YEATS2: variants seen among roughly 807,000 people sequenced by gnomAD.
The protein encoded by YEATS2 is YEATS domain-containing protein 2.
A neutral mutation model predicts 163.2 loss-of-function variants in YEATS2; 77 were observed. That is an observed-to-expected ratio of 0.47 (90% CI 0.39 to 0.57). The LOEUF is 0.57. YEATS2 is among the 20% of genes least tolerant of loss of function. YEATS2 has a pLI of 0.00. For synonymous variants in YEATS2, 631 were observed against 645.1 expected (o/e 0.98, Z 0.33); for missense variants, 1,549 against 1,729.8 (o/e 0.90, Z 1.85).
intron 17 of YEATS2, among the ~76,000 whole-genome samples, chr3:183,774,888 A>G (rs978560736): frequency 2.6e-5 from 4 of 152,318 alleles, no homozygotes; most frequent in Admixed American, 2.0e-4. Flanking sequence ...AGAAAAGGAC[A>G]ATGTAAATAT....
intron 6 of YEATS2, 133 bp from the exon 7 acceptor site, chr3:183,728,557 C>A: frequency 2.6e-6 from 2 of 764,014 alleles, no homozygotes; most frequent in South Asian, 2.7e-5. Flanking sequence ...ACTCATTTTG[C>A]TTGTTTAGGT....
At chr3:183,725,041 C>CTTTTTTTTTTTTTTTTTTTTT (rs62826962) in intron 6 of YEATS2, among the ~76,000 whole-genome samples, 11 of 87,508 alleles carry the variant, frequency 1.3e-4, no homozygotes, top group East Asian at 3.9e-4. Flanking sequence ...CCGTGCCGGC[C>CTTTTTTTTTTTTTTTTTTTTT]TTTTTTTTTT....
At chr3:183,785,670 A>T (rs1723999059) in intron 19 of YEATS2, among the ~76,000 whole-genome samples, 1 of 152,078 alleles carries the variant, frequency 6.6e-6, no homozygotes, top group Admixed American at 6.6e-5. Context: ...AAAATAAAAT[A>T]AAATAAAAAA....
chr3:183,750,000 A>G (rs1305359398), intron 9 of YEATS2, among the ~76,000 whole-genome samples: 1 of 143,382 alleles, frequency 7.0e-6, no homozygotes, highest in South Asian at 2.2e-4. Flanking sequence ...TTTTTTTTGT[A>G]TTTTTAGTAG....
intron 21 of YEATS2, among the ~76,000 whole-genome samples, chr3:183,797,667 A>G (rs182668203): frequency 6.6e-6 from 1 of 151,972 alleles, no homozygotes; most frequent in African/African-American, 2.4e-5. Flanking sequence ...CAGAGGTTGC[A>G]CTAAGCCGAG....
rs371015728 is a variant in YEATS2 at position 183,810,926 on chromosome 3, G to A, written c.*343G>A. The stretch of plus-strand genomic sequence containing the variant: ...GTGCTTAAGGGGGCTCCTTGGGCCC[G>A]CCTCCCCAGGAGGTAGAAAATGAGT... On this transcript the variant is annotated 3_prime_UTR_variant, in exon 31 of 31. Coordinates refer to ENST00000305135, the MANE Select transcript of YEATS2 (RefSeq NM_018023.5). The A allele has an allele frequency of 4.1e-5, 9 of 219,338 alleles. No individual in the cohort carries two copies. The highest frequency in any genetic ancestry group is 1.4e-4 in the African/African-American group (6 of 43,440). 13.6% of individuals were successfully genotyped at this position (219,338 alleles called of 1,614,324 possible).
In YEATS2 at chr3:183,789,525, A is replaced by ATTTTTTTTTTTTTTTTTTT. The variant is rs143473253; in HGVS notation, c.2914-1262_2914-1244dup. ...TTAGGTTTCAGATTCATTCGAGTTAATTTTTTTTTTTTTTTTTTTTTTTTT... is the reference window on the plus strand; with the variant it reads ...TTAGGTTTCAGATTCATTCGAGTTAATTTTTTTTTTTTTTTTTTTTTTTTTTTTTTTTTTTTTTTTTTTT... On this transcript the variant is annotated intron_variant, in intron 20 of 30. Transcript: ENST00000305135. Among the ~76,000 whole-genome samples the ATTTTTTTTTTTTTTTTTTT allele has an allele frequency of 1.1e-4, 7 of 66,350 alleles. 3 individuals are homozygous for ATTTTTTTTTTTTTTTTTTT. Among genetic ancestry groups the ATTTTTTTTTTTTTTTTTTT allele is most frequent in the Admixed American group, 5.0e-4 (2 of 3,976 alleles). The allele number at this position is 66,350 out of a possible 152,430, so 43.5% of individuals were successfully genotyped here.
At chr3:183,809,546 T>C in intron 30 of YEATS2, 1 of 159,664 alleles carries the variant, frequency 6.3e-6, no homozygotes, top group Non-Finnish European at 1.4e-5. Context: ...AGAACTATTA[T>C]TCTCTTTTTA....
rs1285033162 is a variant in YEATS2 at position 183,772,436 on chromosome 3, A to C, written c.2079A>C (p.Val693=). 1.9e-6 allele frequency: 3 copies of C among 1,614,172 alleles called. No individual in the cohort carries two copies. The highest frequency in any genetic ancestry group is 2.5e-6 in the Non-Finnish European group (3 of 1,180,036). ...AAGCAGTTGGGCCAAAGCAAGTTGT[A>C]ACCCAAGGAGTTGCCAAAGCAATTG... The part of the protein sequence containing the change: ...VSKAVGPKQV[V]TQGVAKAIVS... Residue 693 remains valine, a synonymous_variant, in exon 16 of 31, where the codon GTA becomes GTC. Transcript: ENST00000305135.
At chr3:183,769,519 A>G (rs984742649) in intron 15 of YEATS2, among the ~76,000 whole-genome samples, 2 of 152,220 alleles carry the variant, frequency 1.3e-5, no homozygotes, top group East Asian at 1.9e-4. Flanking sequence ...AATGTTACCC[A>G]TATTTTATAG....
At chr3:183,716,028 C>T (rs750501307) in intron 2 of YEATS2, among the ~76,000 whole-genome samples, 40 of 152,188 alleles carry the variant, frequency 2.6e-4, no homozygotes, top group Non-Finnish European at 4.0e-4. Flanking sequence ...GGCGTGATCT[C>T]GGCTCACTGC....
chr3:183,803,192 C>G, intron 25 of YEATS2, 64 bp from the exon 26 acceptor site: 3 of 1,556,640 alleles, frequency 1.9e-6, no homozygotes, highest in Middle Eastern at 4.6e-4. Flanking sequence ...TTGCCTCCAG[C>G]AAATGACGTG....
chr3:183,803,291 GA>G lies in YEATS2; in HGVS notation c.3539del (p.Glu1180GlyfsTer20), dbSNP rs1725867738. 6.2e-7 allele frequency: 1 copy of G among 1,611,920 alleles called. No individual in the cohort carries two copies. The highest frequency in any genetic ancestry group is 2.2e-5 in the East Asian group (1 of 44,878). ...DASCFSAKSVEQYYGWNIGKR... is the reference protein window; with the variant it reads ...DASCFSAKSVXQYYGWNIGKR... ...CAGCTGCTTTTCTGCAAAGTCTGTGGAGCAGTACTATGGCTGGAACATTGGA... is the reference window on the plus strand; with the variant it reads ...CAGCTGCTTTTCTGCAAAGTCTGTGGGCAGTACTATGGCTGGAACATTGGA... On this transcript the variant is annotated frameshift_variant, in exon 26 of 31. Coordinates refer to ENST00000305135, the MANE Select transcript of YEATS2 (RefSeq NM_018023.5). LOFTEE classifies it high-confidence loss of function.
At chr3:183,793,515 T>C in intron 21 of YEATS2, 1 of 922,446 alleles carries the variant, frequency 1.1e-6, no homozygotes, top group Non-Finnish European at 1.3e-6. Context: ...TCTGATCATG[T>C]TTTTGGCATG....
At chr3:183,746,777 A>T (rs1719588739) in intron 8 of YEATS2, among the ~76,000 whole-genome samples, 1 of 151,828 alleles carries the variant, frequency 6.6e-6, no homozygotes, top group South Asian at 2.1e-4. Flanking sequence ...GTGAACACTA[A>T]CTCTCATAAC....
At chr3:183,807,458 T>C (rs1726333882) in intron 28 of YEATS2, 1 of 290,688 alleles carries the variant, frequency 3.4e-6, no homozygotes, top group Non-Finnish European at 6.7e-6. Context: ...TCGTACTCTT[T>C]CTGAGTTGCA....
rs1336816957 is a variant in YEATS2 at position 183,705,596 on chromosome 3, TATA to T, written c.-20+7608_-20+7610del. 7.9e-4 allele frequency among the ~76,000 whole-genome samples: 120 copies of T among 152,348 alleles called. 1 individual carries two copies. Among genetic ancestry groups the T allele is most frequent in the African/African-American group, 2.7e-3 (112 of 41,580 alleles). The stretch of plus-strand genomic sequence containing the variant: ...GTCTTTTTGTTTGCATGTGTCTGTG[TATA>T]ATAACTTTGTACATTCTTTTAAACA... On this transcript the variant is annotated intron_variant, in intron 1 of 30. Transcript: ENST00000305135.
chr3:183,733,845 C>CTT (rs574799432), intron 7 of YEATS2, among the ~76,000 whole-genome samples: 2 of 145,216 alleles, frequency 1.4e-5, no homozygotes, highest in Admixed American at 6.9e-5. Flanking sequence ...GTGAACTTTG[C>CTT]TTTTTTTTTT....
At chr3:183,700,480 G>C (rs901976310) in intron 1 of YEATS2, among the ~76,000 whole-genome samples, 1 of 152,036 alleles carries the variant, frequency 6.6e-6, no homozygotes, top group Non-Finnish European at 1.5e-5. Flanking sequence ...CTTTGGTCCT[G>C]CTCTGCTTTC....
Sources: gnomAD v4.1 joint callset for allele counts (sites outside exome capture counted in the v4.1 genomes callset) on GRCh38, gnomAD v4.1.1 for gene constraint, MANE v1.5 for transcripts, NCBI Gene and HGNC (gene_info 2026-07-23, HGNC 2026-07-21) for gene names.